The following RNASE9 variants were observed in gnomAD, a reference collection of about 807,000 sequenced individuals.
RNASE9 encodes ribonuclease A family member 9 (inactive), also known as inactive ribonuclease-like protein 9.
For missense variants in RNASE9, 263 were observed against 247.1 expected (o/e 1.06, Z -0.43); for synonymous variants, 95 against 87.6 (o/e 1.08, Z -0.47).
At position 20,556,459 on chromosome 14, in the gene RNASE9, G is replaced by A. The variant is rs147979418; in HGVS notation, c.611C>T (p.Ser204Leu). 3.6e-4 allele frequency: 572 copies of A among 1,605,004 alleles called. 3 individuals are homozygous for A. In the African/African-American group the frequency reaches 6.6e-3, roughly 18 times the overall value. Residue 204 changes from serine (S) to leucine (L), a missense_variant, in exon 3 of 3, where the codon TCG becomes TTG. By Grantham distance (145) the Ser-to-Leu change is moderately radical (BLOSUM62 -2). Transcript: ENST00000555230. ...CTCTCAGAGAACGCTCTGCTAGGGC[G>A]ATATGACAAAGACACCATCCTCACT... is the stretch of plus-strand genomic sequence containing the variant.
chr14:20,559,330 G>A (rs374555361), intron 2 of RNASE9, among the ~76,000 whole-genome samples: 38 of 152,020 alleles, frequency 2.5e-4, no homozygotes, highest in East Asian at 1.2e-3. Context: ...TGTTCACTGC[G>A]GAGACAAACA....
chr14:20,556,599 T>C lies in RNASE9; in HGVS notation c.471A>G (p.Ser157=), dbSNP rs142708288. The stretch of plus-strand genomic sequence containing the variant: ...TAAGGACGTAGCCCTTCCTATAAAG[T>C]GATTCGTATTTACACGCTGGTATTT... Residue 157 remains serine, a synonymous_variant, in exon 3 of 3, where the codon TCA becomes TCG. Coordinates refer to ENST00000555230, the Ensembl canonical transcript of RNASE9. The C allele has an allele frequency of 1.3e-3, 2,065 of 1,613,862 alleles. 21 individuals carry two copies. The African/African-American group carries it at 0.016, about 13-fold the overall frequency.
In RNASE9 at chr14:20,556,940, A is replaced by T. The variant is rs998128615; in HGVS notation, c.130T>A (p.Phe44Ile). ...AAAAATTTTTCCAAACACTCTTCAA[A>T]TTCTTCTTTTTTATCTTCTTCTGGG... The change falls in exon 3 of 3, where the codon TTT becomes ATT. Residue 44 changes from phenylalanine to isoleucine, a missense_variant. Transcript: ENST00000555230. 5.0e-6 allele frequency: 8 copies of T among 1,613,900 alleles called. No homozygotes were observed. In the African/African-American group the frequency reaches 1.1e-4, roughly 22 times the overall value.
exon 3 of RNASE9, chr14:20,556,573 A>T: frequency 6.2e-7 from 1 of 1,613,944 alleles, no homozygotes; most frequent in East Asian, 2.2e-5. Flanking sequence ...TGAACAAGTG[A>T]TAAGGACGTA....
rs779677578 is a variant in RNASE9, at chr14:20,556,371, T to C, written c.*81A>G. 92 of 1,081,998 alleles carry C rather than the reference T, an allele frequency of 8.5e-5. 1 individual carries two copies. Among genetic ancestry groups the C allele is most frequent in the Non-Finnish European group, 1.1e-4 (80 of 742,720 alleles). The allele number at this position is 1,081,998 out of a possible 1,614,324, so 67.0% of individuals were successfully genotyped here. A position where few individuals can be genotyped will look rare whatever the true frequency, so the allele number is the denominator to read the frequency against. The stretch of plus-strand genomic sequence containing the variant: ...GTGATTAAAGTGAATGGAAGCAAAA[T>C]TACCATTCTCAACTTTGATCTATAA... On this transcript the variant is annotated 3_prime_UTR_variant, in exon 3 of 3. Transcript: ENST00000555230.
chr14:20,558,491 C>G, exon 3 of RNASE9: 2 of 1,350,194 alleles, frequency 1.5e-6, no homozygotes, highest in Non-Finnish European at 2.1e-6. Context: ...GGCCATGTGC[C>G]ACACTGTCCC....
At position 20,558,651 on chromosome 14, in the gene RNASE9, C is replaced by T. The variant is rs925752582; in HGVS notation, c.-1581-1G>A. On this transcript the variant is annotated splice_acceptor_variant, in intron 2 of 2. Coordinates refer to ENST00000555230, the Ensembl canonical transcript of RNASE9. LOFTEE classifies it low-confidence loss of function (5UTR_SPLICE). Reference sequence around the variant, plus strand: ...CGCGGAGCCTCTGCAACATCTTGATCTGGAGAGAACATGGACAGTACACGT... The same window carrying T: ...CGCGGAGCCTCTGCAACATCTTGATTTGGAGAGAACATGGACAGTACACGT... 7.0e-7 allele frequency: 1 copy of T among 1,435,630 alleles called. No homozygotes were observed. The highest frequency in any genetic ancestry group is 1.4e-5 in the African/African-American group (1 of 69,414). 88.9% of individuals were successfully genotyped at this position (1,435,630 alleles called of 1,614,324 possible).
At chr14:20,558,701 G>T in intron 2 of RNASE9, 2 of 975,106 alleles carry the variant, frequency 2.1e-6, no homozygotes, top group Non-Finnish European at 3.2e-6. Context: ...TCAGGCAGCT[G>T]TGGCCCTGCC....
chr14:20,558,032 C>G (rs1385305944), exon 3 of RNASE9: 1 of 187,234 alleles, frequency 5.3e-6, no homozygotes. Context: ...GACTGTATCT[C>G]TCTCTCTAGG....
In RNASE9 at chr14:20,558,718, A is replaced by T. The variant is rs111918113; in HGVS notation, c.-1581-68T>A. 49 of 807,682 alleles carry T rather than the reference A, an allele frequency of 6.1e-5. No individual in the cohort carries two copies. The African/African-American group carries it at 7.9e-4, about 13-fold the overall frequency. 50.0% of individuals were successfully genotyped at this position (807,682 alleles called of 1,614,324 possible). A position where few individuals can be genotyped will look rare whatever the true frequency, so the allele number is the denominator to read the frequency against. On this transcript the variant is annotated intron_variant, in intron 2 of 2. Coordinates refer to ENST00000555230, the Ensembl canonical transcript of RNASE9. ...AGGCAGCTGTGGCCCTGCCCTTTCT[A>T]CTTCCCGAGAACATGCACAGGGCCT...
Position 20,557,173 on chromosome 14 carries a change from C to T in RNASE9, c.-104G>A, listed in dbSNP as rs186987852. 8.7e-3 allele frequency: 10,932 copies of T among 1,255,322 alleles called. 77 individuals are homozygous for T. The highest frequency in any genetic ancestry group is 0.011 in the Non-Finnish European group (9,566 of 904,468). 77.8% of individuals were successfully genotyped at this position (1,255,322 alleles called of 1,614,324 possible). A position where few individuals can be genotyped will look rare whatever the true frequency, so the allele number is the denominator to read the frequency against. ...CACAGTTATGCCACATGTTGCTGTT[C>T]TGGGCTCTAAGATTTTGGACCATTT... On this transcript the variant is annotated 5_prime_UTR_variant, in exon 3 of 3. Transcript: ENST00000555230.
chr14:20,559,714 T>A (rs2138861756), intron 1 of RNASE9, 81 bp from the exon 2 acceptor site: 1 of 152,350 alleles, frequency 6.6e-6, no homozygotes, highest in Non-Finnish European at 1.5e-5. Flanking sequence ...AAGGAATTTC[T>A]TAATATGCAT....
exon 3 of RNASE9, chr14:20,558,644 T>A: frequency 4.7e-6 from 7 of 1,490,320 alleles, no homozygotes; most frequent in Non-Finnish European, 6.4e-6. Flanking sequence ...CTCTGCAACA[T>A]CTTGATCTGG....
intron 1 of RNASE9, chr14:20,560,293 A>G (rs1024524692): frequency 2.0e-5 from 3 of 152,078 alleles, no homozygotes; most frequent in Admixed American, 2.0e-4. Flanking sequence ...AGAAGGAAAA[A>G]CTAAATTAAA....
Position 20,556,493 on chromosome 14 carries a change from T to G in RNASE9, c.577A>C (p.Ser193Arg), listed in dbSNP as rs148895941. The stretch of plus-strand genomic sequence containing the variant: ...AAGACACCATCCTCACTGAGGAAAC[T>G]TCTGTGTTCAGGTGGCTCCACGAGA... Residue 193 changes from serine (S) to arginine (R), a missense_variant, in exon 3 of 3, where the codon AGT becomes CGT. Physicochemically the swap from Ser to Arg is moderately radical, Grantham distance 110. Transcript: ENST00000555230. The G allele has an allele frequency of 3.1e-6, 5 of 1,613,432 alleles. No homozygotes were observed. The South Asian group carries it at 5.5e-5, about 18-fold the overall frequency.
chr14:20,559,031 G>A (rs1427460758), intron 2 of RNASE9, among the ~76,000 whole-genome samples: 1 of 151,862 alleles, frequency 6.6e-6, no homozygotes, highest in African/African-American at 2.4e-5. Context: ...AATTTTAAAA[G>A]CTAGTTTCTA....
chr14:20,558,785 A>C, intron 2 of RNASE9: 1 of 583,126 alleles, frequency 1.7e-6, no homozygotes, highest in East Asian at 2.8e-5. Flanking sequence ...CAACCTTCTT[A>C]ATTCTTGATT....
At chr14:20,560,443 T>C (rs565137436) in intron 1 of RNASE9, 22 of 151,514 alleles carry the variant, frequency 1.5e-4, no homozygotes, top group African/African-American at 5.3e-4. Context: ...CTGATACTTT[T>C]CTCTAGCATT....
chr14:20,558,741 C>T (rs2138860035), intron 2 of RNASE9: 3 of 718,356 alleles, frequency 4.2e-6, no homozygotes, highest in Non-Finnish European at 2.6e-6. Context: ...ATGCACAGGG[C>T]CTGTCCAGAA....
Sources: gnomAD v4.1 joint callset for allele counts (sites outside exome capture counted in the v4.1 genomes callset) on GRCh38, gnomAD v4.1.1 for gene constraint, MANE v1.5 for transcripts, NCBI Gene and HGNC (gene_info 2026-07-23, HGNC 2026-07-21) for gene names.